Variants in DIDO1 observed in about 807,000 individuals in gnomAD.
DIDO1 encodes the protein death inducer-obliterator 1, also known as death-inducer obliterator 1.
Under a neutral mutation model 99.4 loss-of-function variants are expected in DIDO1, and 16 were observed. That is an observed-to-expected ratio of 0.16 (90% CI 0.11 to 0.24). The LOEUF (loss-of-function observed/expected upper bound fraction) is 0.24, where lower values mean the gene tolerates loss of function less well. DIDO1 is among the 10% of genes least tolerant of loss of function. The pLI is 1.00. For missense variants in DIDO1, 2,996 were observed against 3,014.0 expected, an observed-to-expected ratio of 0.99 and a Z score of 0.14; for synonymous variants, 1,366 against 1,239.1, an observed-to-expected ratio of 1.10 and a Z score of -2.15.
At chr20:62,930,785 C>T (rs934962920), upstream of DIDO1, among the ~76,000 whole-genome samples, 2 of 152,250 alleles carry the variant, frequency 1.3e-5, no homozygotes, top group Admixed American at 1.3e-4. Context: ...TCTTTGGTCA[C>T]ATTAGCCTCT....
In DIDO1 at chr20:62,881,578, G is replaced by T. The variant is rs751449270; in HGVS notation, c.4378C>A (p.Pro1460Thr). Residue 1460 changes from proline to threonine, a missense_variant, in exon 16 of 16, where the codon CCT becomes ACT. Transcript: ENST00000395343. This position sits in a 1 kb window ranked among gnomAD's most constrained non-coding sequence, Gnocchi z 8.3. ...ADVRRNSVERPAEPVAGAATP... is the reference protein window; with the variant it reads ...ADVRRNSVERTAEPVAGAATP... ...GCAGCCCCGGCCACCGGCTCGGCAG[G>T]CCTCTCCACGGAGTTCCTTCTCACG... The T allele has an allele frequency of 1.2e-6, 2 of 1,611,366 alleles. No individual in the cohort carries two copies. Among genetic ancestry groups the T allele is most frequent in the Non-Finnish European group, 1.7e-6 (2 of 1,180,008 alleles).
In DIDO1 at chr20:62,881,105, G is replaced by A. The variant is rs766396871; in HGVS notation, c.4851C>T (p.Ser1617=). Reference sequence around the variant, plus strand: ...GGGGCTTTTCGCCCGAAGCCCAGGGGGAAGAGGCTGGCTCTTTTTCCTCCG... The same window carrying A: ...GGGGCTTTTCGCCCGAAGCCCAGGGAGAAGAGGCTGGCTCTTTTTCCTCCG... The part of the protein sequence containing the change: ...PVPEEKEPAS[S]PWASGEKPPA... The change falls in exon 16 of 16, where the codon TCC becomes TCT. Residue 1617 remains serine (S), a synonymous_variant. Coordinates refer to ENST00000395343, the MANE Select transcript of DIDO1 (RefSeq NM_001193369.2). The surrounding 1 kb of genome is among the most constrained non-coding windows in gnomAD (Gnocchi z 8.3). 17 of 1,609,364 alleles carry A rather than the reference G, an allele frequency of 1.1e-5. No individual in the cohort carries two copies. The highest frequency in any genetic ancestry group is 1.4e-5 in the Non-Finnish European group (16 of 1,179,538).
chr20:62,899,718 G>C (rs888084826), intron 6 of DIDO1, among the ~76,000 whole-genome samples: 4 of 152,190 alleles, frequency 2.6e-5, no homozygotes, highest in Non-Finnish European at 5.9e-5. Flanking sequence ...GCTTTAAAGA[G>C]CATGGAAATG....
In DIDO1 at chr20:62,934,433, A is replaced by G. The variant is rs80223178; in HGVS notation, c.-200+3363T>C. 8.7e-3 allele frequency among the ~76,000 whole-genome samples: 1,330 copies of G among 152,150 alleles called. 9 individuals carry two copies. The highest frequency in any genetic ancestry group is 0.015 in the Non-Finnish European group (987 of 67,970). Reference sequence around the variant, plus strand: ...TGAGCTTAGGACTTCTGACCTCCCTACTACATACTTCCAGGCTCTTCTCTG... The same window carrying G: ...TGAGCTTAGGACTTCTGACCTCCCTGCTACATACTTCCAGGCTCTTCTCTG... On this transcript the variant is annotated intron_variant, in intron 1 of 15. Transcript: ENST00000266070.
intron 8 of DIDO1, 121 bp from the exon 9 acceptor site, chr20:62,895,286 C>T: frequency 2.3e-6 from 2 of 873,852 alleles, no homozygotes; most frequent in Non-Finnish European, 3.6e-6. Flanking sequence ...CCTCAGGGCC[C>T]ACTTGCGTGT....
chr20:62,896,266 G>A lies in DIDO1; in HGVS notation c.2181C>T (p.Ser727=). ...TAGGGTCCTTCAGGTTGAACATGAT[G>A]CTGCGATATTTACTCTTGTAGCGAT... ...TDNRYKSKYR[S]IMFNLKDPKN... Residue 727 remains serine (S), a synonymous_variant, in exon 8 of 16, where the codon AGC becomes AGT. Coordinates refer to ENST00000395343, the MANE Select transcript of DIDO1 (RefSeq NM_001193369.2). This position sits in a 1 kb window ranked among gnomAD's most constrained non-coding sequence, Gnocchi z 4.4. 1 of 1,613,772 alleles carries A rather than the reference G, an allele frequency of 6.2e-7. No individual in the cohort carries two copies. The highest frequency in any genetic ancestry group is 1.1e-5 in the South Asian group (1 of 91,028).
At chr20:62,889,564 A>G (rs1451898251) in intron 15 of DIDO1, 15 of 985,326 alleles carry the variant, frequency 1.5e-5, no homozygotes, top group Non-Finnish European at 1.7e-5. Flanking sequence ...GAGTGCACAC[A>G]CTGTCGCACT....
chr20:62,903,302 G>A (rs1219885873), intron 6 of DIDO1, among the ~76,000 whole-genome samples: 1 of 152,216 alleles, frequency 6.6e-6, no homozygotes, highest in African/African-American at 2.4e-5. Context: ...GAACCCCCAG[G>A]TCAACCGAGT....
At chr20:62,927,523 T>TG (rs960058744), upstream of DIDO1, among the ~76,000 whole-genome samples, 70 of 151,370 alleles carry the variant, frequency 4.6e-4, no homozygotes, top group South Asian at 8.4e-4. Flanking sequence ...GGCAGGGACC[T>TG]GGGGGGGGTG....
chr20:62,921,982 T>C (rs1039907031), intron 1 of DIDO1, among the ~76,000 whole-genome samples: 6 of 150,322 alleles, frequency 4.0e-5, no homozygotes, highest in Non-Finnish European at 8.9e-5. Context: ...ACTATACATA[T>C]GTCCACAATA....
chr20:62,900,372 A>C (rs1243617875), intron 6 of DIDO1, among the ~76,000 whole-genome samples: 1 of 152,208 alleles, frequency 6.6e-6, no homozygotes, highest in African/African-American at 2.4e-5. Flanking sequence ...CTAATTGGCC[A>C]ATTTCCCCCA....
At chr20:62,905,697 C>T in intron 6 of DIDO1, 190 bp downstream of exon 6, 1 of 1,609,232 alleles carries the variant, frequency 6.2e-7, no homozygotes, top group Non-Finnish European at 8.5e-7. Context: ...GAAGTCCTGA[C>T]AGACTAGGGA....
rs199662814 is a variant in DIDO1 at position 62,896,492 on chromosome 20, T to G, written c.2054+39A>C. The G allele has an allele frequency of 1.9e-4, 305 of 1,580,272 alleles. No homozygotes were observed. Among genetic ancestry groups the G allele is most frequent in the Non-Finnish European group, 2.4e-4 (284 of 1,166,256 alleles). On this transcript the variant is annotated intron_variant, in intron 7 of 15. Coordinates refer to ENST00000395343, the MANE Select transcript of DIDO1 (RefSeq NM_001193369.2). This position sits in a 1 kb window ranked among gnomAD's most constrained non-coding sequence, Gnocchi z 4.4. ...GCAGCCACACTCTAATGAAAGCCCTTCCATTTTAATGGGTAAGAAATCAAG... is the reference window on the plus strand; with the variant it reads ...GCAGCCACACTCTAATGAAAGCCCTGCCATTTTAATGGGTAAGAAATCAAG...
intron 6 of DIDO1, among the ~76,000 whole-genome samples, chr20:62,901,241 T>C (rs2064671606): frequency 6.6e-6 from 1 of 152,196 alleles, no homozygotes; most frequent in Non-Finnish European, 1.5e-5. Flanking sequence ...TAGACTGCCG[T>C]GTTTTGGAAT....
At chr20:62,914,983 T>C (rs887570716) in intron 1 of DIDO1, among the ~76,000 whole-genome samples, 7 of 152,202 alleles carry the variant, frequency 4.6e-5, no homozygotes, top group African/African-American at 1.4e-4. Flanking sequence ...TTGTATCCTC[T>C]CTCAACCAGT....
At chr20:62,910,064 C>G (rs1174769624) in intron 3 of DIDO1, 44 bp from the exon 4 acceptor site, 1 of 1,573,514 alleles carries the variant, frequency 6.4e-7, no homozygotes, top group South Asian at 1.1e-5. Flanking sequence ...ACGTGAGTGA[C>G]AAGCACTTTT....
intron 1 of DIDO1, among the ~76,000 whole-genome samples, chr20:62,925,477 G>A (rs534959286): frequency 6.6e-6 from 1 of 152,298 alleles, no homozygotes; most frequent in South Asian, 2.1e-4. Context: ...CTAAGTCCCT[G>A]AGTACACTAG....
upstream of DIDO1, chr20:62,926,586 G>GCCCGGGCTGCGAAGCCCGGC (rs1393694188): frequency 3.7e-4 from 57 of 152,214 alleles, no homozygotes; most frequent in African/African-American, 1.2e-3. Flanking sequence ...CTAGAGCGGA[G>GCCCGGGCTGCGAAGCCCGGC]CCCGGGCTGC....
intron 1 of DIDO1, among the ~76,000 whole-genome samples, chr20:62,915,025 G>A (rs948080273): frequency 1.3e-5 from 2 of 152,142 alleles, no homozygotes; most frequent in East Asian, 1.9e-4. Flanking sequence ...TCCAGGTGCC[G>A]AGTTTCTAGC....
Sources: allele counts gnomAD v4.1 joint callset (sites outside exome capture counted in the v4.1 genomes callset), GRCh38; gene constraint gnomAD v4.1.1; non-coding constraint Gnocchi (gnomAD v3.1); transcripts MANE v1.5; gene names NCBI Gene and HGNC (gene_info 2026-07-23, HGNC 2026-07-21).